Variants in ZNF587 observed in about 807,000 individuals in gnomAD.
ZNF587 encodes zinc finger protein 587, also known as zinc finger protein zfp6.
ZNF587 carries 8 observed loss-of-function variants against 7.5 expected under a neutral mutation model. That is an observed-to-expected ratio of 1.06 (90% CI 0.62 to 1.92). The LOEUF is 1.92. Among genes scored for constraint, ZNF587 ranks in the 40% most tolerant of loss-of-function variants. ZNF587 has a pLI of 0.00. For synonymous variants in ZNF587, 145 were observed against 237.8 expected, an observed-to-expected ratio of 0.61 and a Z score of 3.59; for missense variants, 468 against 692.8, an observed-to-expected ratio of 0.68 and a Z score of 3.64.
At chr19:57,856,779 G>C (rs964865205) in intron 2 of ZNF587, among the ~76,000 whole-genome samples, 1 of 151,998 alleles carries the variant, frequency 6.6e-6, no homozygotes, top group African/African-American at 2.4e-5. Context: ...TCAGAGTCAG[G>C]AGTCTTATAG....
intron 2 of ZNF587, among the ~76,000 whole-genome samples, chr19:57,857,576 TTCTA>T (rs2071375597): frequency 6.6e-6 from 1 of 151,872 alleles, no homozygotes. Flanking sequence ...CTTCACATGT[TTCTA>T]TATATATATA....
At position 57,856,151 on chromosome 19, in the gene ZNF587, G is replaced by A. The variant is rs1452065877; in HGVS notation, c.81G>A (p.Glu27=). The A allele has an allele frequency of 1.9e-6, 3 of 1,613,120 alleles. No individual in the cohort carries two copies. The East Asian group carries it at 6.7e-5, about 36-fold the overall frequency. ...FEDVAVNFSQ[E]EWCLLSEAQR... is the part of the protein sequence containing the mutation. The stretch of plus-strand genomic sequence containing the variant: ...ATGTGGCTGTGAACTTTTCCCAGGA[G>A]GAGTGGTGTCTTCTTAGTGAGGCTC... The change falls in exon 2 of 3, where the codon GAG becomes GAA. Residue 27 remains glutamate (E), a synonymous_variant. Coordinates refer to ENST00000339656, the MANE Select transcript of ZNF587 (RefSeq NM_032828.4).
chr19:57,857,578 C>CTA (rs921914603), intron 2 of ZNF587, among the ~76,000 whole-genome samples: 7 of 150,862 alleles, frequency 4.6e-5, no homozygotes, highest in Admixed American at 2.0e-4. Flanking sequence ...TCACATGTTT[C>CTA]TATATATATA....
chr19:57,859,944 A>G lies in ZNF587; in HGVS notation c.1532A>G (p.Lys511Arg), dbSNP rs752876408. ...FLSSSALHVH[K>R]RVHSGQKPYK... ...TCCAGCTCTGCGCTTCATGTTCATAAAAGAGTTCATTCTGGACAAAAGCCT... is the reference window on the plus strand; with the variant it reads ...TCCAGCTCTGCGCTTCATGTTCATAGAAGAGTTCATTCTGGACAAAAGCCT... Residue 511 changes from lysine (K) to arginine (R), a missense_variant, in exon 3 of 3, where the codon AAA (lysine) becomes AGA (arginine). By Grantham distance (26) the Lys-to-Arg change is conservative. Coordinates refer to ENST00000339656, the MANE Select transcript of ZNF587 (RefSeq NM_032828.4). 2 of 1,613,386 alleles carry G rather than the reference A, an allele frequency of 1.2e-6. No individual in the cohort carries two copies. Among genetic ancestry groups the G allele is most frequent in the East Asian group, 4.5e-5 (2 of 44,876 alleles).
At chr19:57,853,547 T>TA (rs1600119306) in intron 1 of ZNF587, among the ~76,000 whole-genome samples, 1 of 152,240 alleles carries the variant, frequency 6.6e-6, no homozygotes, top group East Asian at 1.9e-4. Context: ...ATCTCTTACT[T>TA]ACGTCCTCAA....
chr19:57,857,942 C>T (rs1267944016), intron 2 of ZNF587, among the ~76,000 whole-genome samples: 2 of 151,444 alleles, frequency 1.3e-5, no homozygotes, highest in African/African-American at 4.9e-5. Context: ...GGCCCATATT[C>T]TTCTATATAG....
Position 57,861,264 on chromosome 19 carries a change from GGTTA to G in ZNF587, c.*1127_*1130del, listed in dbSNP as rs753555080. On this transcript the variant is annotated 3_prime_UTR_variant, in exon 3 of 3. Transcript: ENST00000339656. ...GTTCTATCTTACCAAGAGGGAGTAT[GGTTA>G]GTATTTGAAATTGTTTATTATTTTA... The G allele has an allele frequency of 2.0e-5, 3 of 151,974 alleles. No individual in the cohort carries two copies. Among genetic ancestry groups the G allele is most frequent in the Admixed American group, 1.3e-4 (2 of 15,252 alleles). The allele number at this position is 151,974 out of a possible 1,614,324, so 9.4% of individuals were successfully genotyped here. A position where few individuals can be genotyped will look rare whatever the true frequency, so the allele number is the denominator to read the frequency against.
In ZNF587 at chr19:57,849,941, T is replaced by C. The variant is rs572758356; in HGVS notation, c.-98T>C. 9.1e-5 allele frequency: 147 copies of C among 1,609,636 alleles called. No individual in the cohort carries two copies. The highest frequency in any genetic ancestry group is 1.2e-4 in the Non-Finnish European group (140 of 1,177,804). On this transcript the variant is annotated 5_prime_UTR_variant, in exon 1 of 3. Transcript: ENST00000339656. Reference sequence around the variant, plus strand: ...TGGGTGGGACCGCGGTGACTGAACCTAGAAGGTGGAGAGGAATCGTCCTCG... The same window carrying C: ...TGGGTGGGACCGCGGTGACTGAACCCAGAAGGTGGAGAGGAATCGTCCTCG...
In ZNF587 at chr19:57,849,905, C is replaced by G; in HGVS notation, c.-134C>G. ...ATGCGGGTGTTTCCCCAGTTTGTGG[C>G]CCCTGAGTGCTGGGTGGGACCGCGG... On this transcript the variant is annotated 5_prime_UTR_variant, in exon 1 of 3. Transcript: ENST00000339656. 6.4e-7 allele frequency: 1 copy of G among 1,558,266 alleles called. No homozygotes were observed.
At position 57,856,207 on chromosome 19, in the gene ZNF587, A is replaced by C. The variant is rs1408029621; in HGVS notation, c.137A>C (p.Glu46Ala). The C allele has an allele frequency of 6.3e-7, 1 of 1,598,378 alleles. No homozygotes were observed. The highest frequency in any genetic ancestry group is 1.3e-5 in the African/African-American group (1 of 74,342). The change falls in exon 2 of 3, where the codon GAG (glutamate) becomes GCG (alanine). Residue 46 changes from glutamate (E) to alanine (A), a missense_variant. By Grantham distance (107) the Glu-to-Ala change is moderately radical (BLOSUM62 -1). This residue lies in a region of ZNF587 where 92 missense variants were observed against 89.7 expected (regional missense o/e 1.03). Transcript: ENST00000339656. ...TGCTTGTACCGTGATGTGATGCTAG[A>C]GAACCTGGCTCTCATATCCTCGCTG... Reference protein sequence around the residue: ...QRCLYRDVMLENLALISSLGC... With the variant: ...QRCLYRDVMLANLALISSLGC...
chr19:57,849,970 C>T lies in ZNF587; in HGVS notation c.-69C>T, dbSNP rs1410193693. 1 of 1,613,744 alleles carries T rather than the reference C, an allele frequency of 6.2e-7. No individual in the cohort carries two copies. Among genetic ancestry groups the T allele is most frequent in the African/African-American group, 1.3e-5 (1 of 75,072 alleles). On this transcript the variant is annotated 5_prime_UTR_variant, in exon 1 of 3. Transcript: ENST00000339656. The stretch of plus-strand genomic sequence containing the variant: ...AGGTGGAGAGGAATCGTCCTCGGTG[C>T]CCAGAGGCGGCTCTGCAGCCCCGTG...
Position 57,864,453 on chromosome 19 carries a change from A to G in ZNF587, c.*4313A>G, listed in dbSNP as rs1600129021. The stretch of plus-strand genomic sequence containing the variant: ...GGCTTATCCCTAGAAATCCTATGAT[A>G]GCATGATGTATAGGCACCTAAAGGC... On this transcript the variant is annotated 3_prime_UTR_variant, in exon 3 of 3. Transcript: ENST00000339656. The G allele has an allele frequency of 6.6e-6, 1 of 152,030 alleles. No homozygotes were observed. Among genetic ancestry groups the G allele is most frequent in the African/African-American group, 2.4e-5 (1 of 41,404 alleles). The allele number at this position is 152,030 out of a possible 1,614,324, so 9.4% of individuals were successfully genotyped here.
rs112735698 is a variant in ZNF587 at position 57,862,524 on chromosome 19, A to C, written c.*2384A>C. ...AGATAATCTCCAGTCCCTGTGCAGAAACTGTCATTGCACTTTCTGCTGAAA... is the reference window on the plus strand; with the variant it reads ...AGATAATCTCCAGTCCCTGTGCAGACACTGTCATTGCACTTTCTGCTGAAA... On this transcript the variant is annotated 3_prime_UTR_variant, in exon 3 of 3. Transcript: ENST00000339656. 777 of 154,742 alleles carry C rather than the reference A, an allele frequency of 5.0e-3. 8 individuals carry two copies. Among genetic ancestry groups the C allele is most frequent in the African/African-American group, 0.017 (723 of 41,608 alleles). 9.6% of individuals were successfully genotyped at this position (154,742 alleles called of 1,614,324 possible).
At chr19:57,853,647 T>C (rs868268093) in intron 1 of ZNF587, 4 of 151,792 alleles carry the variant, frequency 2.6e-5, no homozygotes, top group South Asian at 4.1e-4. Context: ...GAAGGGGACA[T>C]AGACATCCAA....
At position 57,849,962 on chromosome 19, in the gene ZNF587, C is replaced by T. The variant is rs111230161; in HGVS notation, c.-77C>T. 0.023 allele frequency: 36,869 copies of T among 1,613,274 alleles called. 2,124 individuals are homozygous for T. Among genetic ancestry groups the T allele is most frequent in the African/African-American group, 0.22 (16,837 of 74,970 alleles). On this transcript the variant is annotated 5_prime_UTR_variant, in exon 1 of 3. Transcript: ENST00000339656. ...AACCTAGAAGGTGGAGAGGAATCGT[C>T]CTCGGTGCCCAGAGGCGGCTCTGCA...
chr19:57,857,537 C>G (rs2071374783), intron 2 of ZNF587, among the ~76,000 whole-genome samples: 1 of 151,812 alleles, frequency 6.6e-6, no homozygotes, highest in Non-Finnish European at 1.5e-5. Context: ...ATGACCACCC[C>G]TGCTGTGTTG....
At position 57,861,415 on chromosome 19, in the gene ZNF587, C is replaced by T. The variant is rs1444978389; in HGVS notation, c.*1275C>T. 6.6e-6 allele frequency: 1 copy of T among 152,252 alleles called. No homozygotes were observed. The highest frequency in any genetic ancestry group is 1.5e-5 in the Non-Finnish European group (1 of 68,074). The allele number at this position is 152,252 out of a possible 1,614,324, so 9.4% of individuals were successfully genotyped here. Reference sequence around the variant, plus strand: ...GCACAATCTCAGCTCATTGCAACCTCTGCTTCCTGGGCTCAAGCACTCTGC... The same window carrying T: ...GCACAATCTCAGCTCATTGCAACCTTTGCTTCCTGGGCTCAAGCACTCTGC... On this transcript the variant is annotated 3_prime_UTR_variant, in exon 3 of 3. Transcript: ENST00000339656.
At chr19:57,855,002 C>T (rs1013631389) in intron 1 of ZNF587, among the ~76,000 whole-genome samples, 4 of 151,578 alleles carry the variant, frequency 2.6e-5, no homozygotes, top group African/African-American at 9.7e-5. Context: ...CAGTGAAACC[C>T]CGTCTCTACT....
intron 1 of ZNF587, chr19:57,850,293 AGTAATTCACGCAGAGCCGTCCTGCT>A (rs2071264939): frequency 5.6e-6 from 4 of 711,016 alleles, no homozygotes; most frequent in Non-Finnish European, 9.5e-6. Context: ...ATGGAGAAAT[AGTAATTCACGCAGAGCCGTCCTGCT>A]GTTCGGGAGA....
Sources: allele counts gnomAD v4.1 joint callset (sites outside exome capture counted in the v4.1 genomes callset), GRCh38; gene constraint gnomAD v4.1.1; regional missense constraint gnomAD v4.1.1; transcripts MANE v1.5; gene names NCBI Gene and HGNC (gene_info 2026-07-23, HGNC 2026-07-21).